PDK2: variants seen among roughly 807,000 people sequenced by gnomAD.
The protein encoded by PDK2 is pyruvate dehydrogenase kinase, isozyme 2.
PDK2 carries 34 observed loss-of-function variants against 50.4 expected under a neutral mutation model. The observed-to-expected ratio is 0.68, with a 90% CI of 0.51 to 0.90. PDK2 has a LOEUF of 0.90. Ranked by LOEUF, PDK2 falls within the 40% of genes least tolerant of loss-of-function variation. The pLI is 0.00. For synonymous variants in PDK2, 232 were observed against 216.0 expected, an observed-to-expected ratio of 1.07 and a Z score of -0.65; for missense variants, 377 against 544.5, an observed-to-expected ratio of 0.69 and a Z score of 3.06.
rs1161272530 is a variant in PDK2, at chr17:50,109,475, G to A, written c.1083+75G>A. The A allele has an allele frequency of 4.5e-6, 4 of 888,914 alleles. No homozygotes were observed. Among genetic ancestry groups the A allele is most frequent in the Admixed American group, 5.2e-5 (2 of 38,784 alleles). The allele number at this position is 888,914 out of a possible 1,614,324, so 55.1% of individuals were successfully genotyped here. On this transcript the variant is annotated intron_variant, in intron 10 of 10. Transcript: ENST00000503176. This position sits in a 1 kb window ranked among gnomAD's most constrained non-coding sequence, Gnocchi z 5.0. The stretch of plus-strand genomic sequence containing the variant: ...GACCTGGGCAGCCTTGGCCAGCTGC[G>A]AGCTTTCCTTTCCATCCCCCCAGTC...
In PDK2 at chr17:50,095,623, G is replaced by T; in HGVS notation, c.118+70G>T. 6.0e-6 allele frequency: 9 copies of T among 1,504,368 alleles called. No individual in the cohort carries two copies. In the South Asian group the frequency reaches 1.1e-4, roughly 18 times the overall value. The allele number at this position is 1,504,368 out of a possible 1,614,324, so 93.2% of individuals were successfully genotyped here. On this transcript the variant is annotated intron_variant, in intron 1 of 10. Transcript: ENST00000503176. ...CGCTGGGAGGGGCAGCCGGGGGCTA[G>T]GGGGACGGAGGAGAAGAAAGGCCCC...
rs780490790 is a variant in PDK2, at chr17:50,097,440, G to C, written c.136G>C (p.Glu46Gln). 1 of 1,613,844 alleles carries C rather than the reference G, an allele frequency of 6.2e-7. No homozygotes were observed. Among genetic ancestry groups the C allele is most frequent in the Non-Finnish European group, 8.5e-7 (1 of 1,179,988 alleles). ...FLDFGSSNAC[E>Q]KTSFTFLRQE... ...CCTGCCAGGATCCAGCAATGCCTGT[G>C]AGAAAACCTCCTTCACCTTCCTCAG... The change falls in exon 2 of 11, where the codon GAG (glutamate) becomes CAG (glutamine). Residue 46 changes from glutamate to glutamine, a missense_variant. Physicochemically the swap from Glu to Gln is conservative, Grantham distance 29. Around this residue, in one of 3 missense-constraint regions of PDK2, gnomAD observed 100 missense variants for 115.5 expected, o/e 0.87. Transcript: ENST00000503176.
At position 50,109,524 on chromosome 17, in the gene PDK2, A is replaced by C. The variant is rs971356321; in HGVS notation, c.1083+124A>C. 29 of 588,996 alleles carry C rather than the reference A, an allele frequency of 4.9e-5. No homozygotes were observed. In the South Asian group the frequency reaches 6.3e-4, roughly 13 times the overall value. The allele number at this position is 588,996 out of a possible 1,614,324, so 36.5% of individuals were successfully genotyped here. Reference sequence around the variant, plus strand: ...TCCTTCCCTGGCCCCAGACTCTGAGAATCCAAGCAAAGCTACAGTTCCTCA... The same window carrying C: ...TCCTTCCCTGGCCCCAGACTCTGAGCATCCAAGCAAAGCTACAGTTCCTCA... On this transcript the variant is annotated intron_variant, in intron 10 of 10. Transcript: ENST00000503176. This position sits in a 1 kb window ranked among gnomAD's most constrained non-coding sequence, Gnocchi z 5.0.
upstream of PDK2, chr17:50,095,248 T>C: frequency 1.9e-6 from 1 of 533,528 alleles, no homozygotes; most frequent in Middle Eastern, 5.0e-4. Context: ...AGGCTATTGG[T>C]TCGCCCGGAG....
At position 50,097,791 on chromosome 17, in the gene PDK2, C is replaced by T. The variant is rs1198733144; in HGVS notation, c.260+227C>T. On this transcript the variant is annotated intron_variant, in intron 2 of 10. Transcript: ENST00000503176. ...CTGTGTCTAGCCCTCTTCTTACCAC[C>T]CACCTTTCTCTGGAAACACAGGATC... The T allele has an allele frequency of 1.5e-5, 7 of 479,818 alleles. No individual in the cohort carries two copies. In the Admixed American group the frequency reaches 1.7e-4, roughly 11 times the overall value. 29.7% of individuals were successfully genotyped at this position (479,818 alleles called of 1,614,324 possible). A position where few individuals can be genotyped will look rare whatever the true frequency, so the allele number is the denominator to read the frequency against.
chr17:50,095,248 T>G (rs1249631756), upstream of PDK2: 1 of 533,412 alleles, frequency 1.9e-6, no homozygotes, highest in East Asian at 3.3e-5. Flanking sequence ...AGGCTATTGG[T>G]TCGCCCGGAG....
intron 6 of PDK2, chr17:50,107,932 C>G: frequency 1.7e-6 from 1 of 571,702 alleles, no homozygotes; most frequent in South Asian, 2.0e-5. Flanking sequence ...TCAGTTCTAG[C>G]CTGGAGGAAG....
chr17:50,094,953 T>G (rs970060513), upstream of PDK2: 10 of 155,398 alleles, frequency 6.4e-5, no homozygotes, highest in Admixed American at 1.9e-4. Context: ...AAGGGATTGG[T>G]TGAAAGCTAC....
rs1910005764 is a variant in PDK2 at position 50,097,406 on chromosome 17, C to G, written c.119-17C>G. ...ATAGTCTGTGGCTCTGTGGCTCACC[C>G]CTCTTTCTCCTGCCAGGATCCAGCA... On this transcript the variant is annotated splice_polypyrimidine_tract_variant and intron_variant, in intron 1 of 10. Coordinates refer to ENST00000503176, the MANE Select transcript of PDK2 (RefSeq NM_002611.5). The G allele has an allele frequency of 6.2e-7, 1 of 1,612,606 alleles. No individual in the cohort carries two copies. The highest frequency in any genetic ancestry group is 8.5e-7 in the Non-Finnish European group (1 of 1,179,820).
intron 4 of PDK2, chr17:50,106,475 A>C: frequency 2.1e-6 from 1 of 468,180 alleles, no homozygotes; most frequent in Non-Finnish European, 3.8e-6. Context: ...ATAATTTCCA[A>C]AGCAAGGTGG....
At chr17:50,106,234 A>C in intron 4 of PDK2, 165 bp downstream of exon 4, 1 of 1,413,538 alleles carries the variant, frequency 7.1e-7, no homozygotes, top group Non-Finnish European at 9.2e-7. Flanking sequence ...ACATGGAAAA[A>C]TAAAATTTTT....
chr17:50,102,656 C>T (rs905637382), intron 2 of PDK2, among the ~76,000 whole-genome samples: 3 of 152,208 alleles, frequency 2.0e-5, no homozygotes, highest in South Asian at 2.1e-4. Flanking sequence ...ATTTTGGGTG[C>T]GTTTAGGGAG....
chr17:50,106,476 A>G, intron 4 of PDK2: 1 of 472,312 alleles, frequency 2.1e-6, no homozygotes, highest in East Asian at 3.7e-5. Flanking sequence ...TAATTTCCAA[A>G]GCAAGGTGGT....
chr17:50,110,079 C>A lies in PDK2; in HGVS notation c.1206C>A (p.Ser402=). 6.2e-7 allele frequency: 1 copy of A among 1,609,422 alleles called. No individual in the cohort carries two copies. The highest frequency in any genetic ancestry group is 8.5e-7 in the Non-Finnish European group (1 of 1,177,600). ...CVPSTEPKNT[S]TYRVS ...CCAGCACGGAGCCCAAGAACACGTC[C>A]ACGTACCGCGTCAGCTAAGGGCCGC... Residue 402 remains serine (S), a synonymous_variant, in exon 11 of 11, where the codon TCC becomes TCA. Coordinates refer to ENST00000503176, the MANE Select transcript of PDK2 (RefSeq NM_002611.5).
At chr17:50,095,050 G>T (rs1317207461), upstream of PDK2, among the ~76,000 whole-genome samples, 11 of 152,276 alleles carry the variant, frequency 7.2e-5, no homozygotes, top group Non-Finnish European at 1.6e-4. Flanking sequence ...AGGCGTGGAA[G>T]AGGAAGCGAA....
In PDK2 at chr17:50,095,519, G is replaced by A; in HGVS notation, c.84G>A (p.Pro28=). 2 of 1,606,720 alleles carry A rather than the reference G, an allele frequency of 1.2e-6. No individual in the cohort carries two copies. The highest frequency in any genetic ancestry group is 1.7e-6 in the Non-Finnish European group (2 of 1,176,756). ...TAGAGCACTTCAGCAAGTTCTCCCC[G>A]TCCCCGCTGTCCATGAAGCAGTTTC... The part of the protein sequence containing the change: ...KYIEHFSKFS[P]SPLSMKQFLD... The change falls in exon 1 of 11, where the codon CCG becomes CCA. Residue 28 remains proline (P), a synonymous_variant. Coordinates refer to ENST00000503176, the MANE Select transcript of PDK2 (RefSeq NM_002611.5).
Position 50,101,585 on chromosome 17 carries a change from A to G in PDK2, c.261-3786A>G, listed in dbSNP as rs906645721. On this transcript the variant is annotated intron_variant, in intron 2 of 10. Coordinates refer to ENST00000503176, the MANE Select transcript of PDK2 (RefSeq NM_002611.5). This position sits in a 1 kb window ranked among gnomAD's most constrained non-coding sequence, Gnocchi z 4.2. ...GAGTGCACAGGGCACACCCTCGCAC[A>G]CACCCACAGGCATGCACATGCCACA... 1.3e-5 allele frequency among the ~76,000 whole-genome samples: 2 copies of G among 151,948 alleles called. No individual in the cohort carries two copies. The highest frequency in any genetic ancestry group is 1.3e-4 in the Admixed American group (2 of 15,278).
Position 50,102,191 on chromosome 17 carries a change from C to T in PDK2, c.261-3180C>T, listed in dbSNP as rs548810478. ...GGCTTCAGGGCAAGGCCAGGGACCT[C>T]GGGGAAAATCCTCATCCTCTCCCCT... On this transcript the variant is annotated intron_variant, in intron 2 of 10. Coordinates refer to ENST00000503176, the MANE Select transcript of PDK2 (RefSeq NM_002611.5). Among the ~76,000 whole-genome samples, 107 of 152,308 alleles carry T rather than the reference C, an allele frequency of 7.0e-4. No homozygotes were observed. The South Asian group carries it at 9.1e-3, about 13-fold the overall frequency.
At position 50,107,007 on chromosome 17, in the gene PDK2, G is replaced by A. The variant is rs1482776477; in HGVS notation, c.608-69G>A. The stretch of plus-strand genomic sequence containing the variant: ...ATGGATTTAATGCTGGTGGTCCCCA[G>A]TATCAATGTCAGGAGGACTGCCTGC... On this transcript the variant is annotated intron_variant, in intron 5 of 10. Coordinates refer to ENST00000503176, the MANE Select transcript of PDK2 (RefSeq NM_002611.5). The A allele has an allele frequency of 5.4e-6, 8 of 1,476,390 alleles. No homozygotes were observed. In the African/African-American group the frequency reaches 6.9e-5, roughly 13 times the overall value. 91.5% of individuals were successfully genotyped at this position (1,476,390 alleles called of 1,614,324 possible).
Sources: allele counts gnomAD v4.1 joint callset (sites outside exome capture counted in the v4.1 genomes callset), GRCh38; gene constraint gnomAD v4.1.1; regional missense constraint gnomAD v4.1.1; non-coding constraint Gnocchi (gnomAD v3.1); transcripts MANE v1.5; gene names NCBI Gene and HGNC (gene_info 2026-07-23, HGNC 2026-07-21).